ATP2B3: variants seen among roughly 807,000 people sequenced by gnomAD.
The protein encoded by ATP2B3 is ATPase plasma membrane Ca2+ transporting 3, also known as plasma membrane calcium-transporting ATPase 3.
ATP2B3 carries 12 observed loss-of-function variants against 70.8 expected under a neutral mutation model. The ratio of observed to expected loss-of-function variants is 0.17; its 90% CI spans 0.11 to 0.27. ATP2B3 has a LOEUF of 0.27. Among genes scored for constraint, ATP2B3 ranks in the 10% least tolerant of loss-of-function variants. The pLI is 1.00. For synonymous variants in ATP2B3, 460 were observed against 497.8 expected (o/e 0.92, Z 1.01); for missense variants, 858 against 1,118.5 (o/e 0.77, Z 3.32).
rs1302001862 is a variant in ATP2B3 at position 153,581,936 on chromosome X, T to C, written c.*1638T>C. The C allele has an allele frequency of 8.9e-6, 1 of 112,520 alleles. No homozygotes were observed. The highest frequency in any genetic ancestry group is 1.9e-5 in the Non-Finnish European group (1 of 53,251). 9.3% of individuals were successfully genotyped at this position (112,520 alleles called of 1,213,427 possible). A position where few individuals can be genotyped will look rare whatever the true frequency, so the allele number is the denominator to read the frequency against. The stretch of plus-strand genomic sequence containing the variant: ...AGGGGCCCGACTTTTGCCACCCTCC[T>C]GAGGAAGCCCCTAGGTCCACACAGT... On this transcript the variant is annotated 3_prime_UTR_variant, in exon 22 of 22. Transcript: ENST00000263519.
intron 21 of ATP2B3, among the ~76,000 whole-genome samples, chrX:153,571,198 C>G (rs1451824212): frequency 4.4e-5 from 5 of 112,375 alleles, no homozygotes; most frequent in Non-Finnish European, 7.5e-5. Context: ...AGGGGCCTCG[C>G]CGCCACTCCA....
chrX:153,573,288 G>A (rs1363684492), intron 21 of ATP2B3, among the ~76,000 whole-genome samples: 1 of 112,462 alleles, frequency 8.9e-6, no homozygotes, highest in African/African-American at 3.2e-5. Context: ...GCTTTCCCTG[G>A]ACACTCCTTT....
intron 13 of ATP2B3, among the ~76,000 whole-genome samples, chrX:153,553,895 C>G (rs2090496479): frequency 8.8e-6 from 1 of 113,120 alleles, no homozygotes; most frequent in South Asian, 3.5e-4. Context: ...CATGGGGTGC[C>G]CCTCTGTCTC....
intron 2 of ATP2B3, among the ~76,000 whole-genome samples, chrX:153,532,402 C>A: frequency 8.9e-6 from 1 of 112,534 alleles, no homozygotes; most frequent in Non-Finnish European, 1.9e-5. Context: ...GAAAGAGGAC[C>A]CCTGGGTCTC....
chrX:153,528,812 G>T (rs782515702), intron 2 of ATP2B3, among the ~76,000 whole-genome samples: 1 of 112,423 alleles, frequency 8.9e-6, no homozygotes, highest in Admixed American at 9.4e-5. Flanking sequence ...CAGGAAGGAG[G>T]GGAAGGGCAG....
In ATP2B3 at chrX:153,541,734, G is replaced by A. The variant is rs782679701; in HGVS notation, c.472G>A (p.Ala158Thr). ...GGCCGAAGCTGGCTGGATCGAGGGGGCTGCCATCCTGCTGTCCGTCATCTG... is the reference window on the plus strand; with the variant it reads ...GGCCGAAGCTGGCTGGATCGAGGGGACTGCCATCCTGCTGTCCGTCATCTG... Reference protein sequence around the residue: ...GEAEAGWIEGAAILLSVICVV... With the variant: ...GEAEAGWIEGTAILLSVICVV... Residue 158 changes from alanine to threonine, a missense_variant, in exon 5 of 22, where the codon GCT becomes ACT. Ala to Thr is a moderately conservative substitution (Grantham distance 58). This residue lies in a region of ATP2B3 where 278 missense variants were observed against 366.2 expected (regional missense o/e 0.76). Transcript: ENST00000263519. 6.6e-6 allele frequency: 8 copies of A among 1,211,757 alleles called. No individual in the cohort carries two copies. Among genetic ancestry groups the A allele is most frequent in the Non-Finnish European group, 7.8e-6 (7 of 895,545 alleles).
intron 21 of ATP2B3, among the ~76,000 whole-genome samples, chrX:153,572,269 T>G (rs2090800179): frequency 8.9e-6 from 1 of 112,448 alleles, no homozygotes; most frequent in African/African-American, 3.2e-5. Context: ...GGGCGTCGAG[T>G]CACGTGGTTT....
At chrX:153,520,369 C>T (rs115731574) in intron 2 of ATP2B3, among the ~76,000 whole-genome samples, 3,543 of 112,321 alleles carry the variant, frequency 0.032, 144 homozygotes, top group African/African-American at 0.11. Context: ...CCAGGCAGAG[C>T]TTCTTCTGGC....
At chrX:153,573,953 A>G (rs1272089716) in intron 21 of ATP2B3, among the ~76,000 whole-genome samples, 4 of 112,730 alleles carry the variant, frequency 3.5e-5, no homozygotes, top group African/African-American at 1.3e-4. Flanking sequence ...ACACACAGCC[A>G]TGTCTTGTCT....
chrX:153,541,599 G>A, intron 4 of ATP2B3, 43 bp downstream of exon 4: 4 of 1,208,566 alleles, frequency 3.3e-6, no homozygotes, highest in Non-Finnish European at 4.5e-6. Context: ...AGAGGAATGG[G>A]GCTTGAGATG....
At chrX:153,562,022 G>A in intron 19 of ATP2B3, 113 bp from the exon 20 acceptor site, 2 of 646,486 alleles carry the variant, frequency 3.1e-6, no homozygotes, top group South Asian at 4.5e-5. Flanking sequence ...GCAAGGAGCA[G>A]CCCGTGCAAC....
At chrX:153,547,378 C>T (rs1361251507) in intron 8 of ATP2B3, among the ~76,000 whole-genome samples, 4 of 110,918 alleles carry the variant, frequency 3.6e-5, no homozygotes, top group Non-Finnish European at 7.6e-5. Context: ...CCCGAACAGG[C>T]GCAGGGCTGG....
chrX:153,547,070 G>A (rs2090378962), intron 8 of ATP2B3, among the ~76,000 whole-genome samples: 1 of 112,036 alleles, frequency 8.9e-6, no homozygotes. Context: ...AGTAGTGAGG[G>A]AGAAAGACGA....
chrX:153,559,224 C>T (rs2090587827), intron 17 of ATP2B3: 1 of 116,432 alleles, frequency 8.6e-6, no homozygotes, highest in Non-Finnish European at 1.8e-5. Context: ...CTGGCACCCA[C>T]TCATCTGCTT....
At chrX:153,534,635 G>A (rs1358463033) in intron 2 of ATP2B3, among the ~76,000 whole-genome samples, 2 of 112,910 alleles carry the variant, frequency 1.8e-5, no homozygotes, top group African/African-American at 3.2e-5. Flanking sequence ...GTAGCTGCTC[G>A]GTGAATATGT....
At chrX:153,529,052 T>C (rs570337067) in intron 2 of ATP2B3, among the ~76,000 whole-genome samples, 10 of 112,655 alleles carry the variant, frequency 8.9e-5, no homozygotes, top group East Asian at 5.6e-4. Flanking sequence ...TGCGGATTCA[T>C]TAACACCTCC....
At chrX:153,560,551 A>G (rs1162513034) in intron 18 of ATP2B3, 125 bp from the exon 19 acceptor site, 21 of 781,775 alleles carry the variant, frequency 2.7e-5, no homozygotes, top group Non-Finnish European at 3.7e-5. Flanking sequence ...CTTGGCCGTG[A>G]GCTGGAAGTG....
At chrX:153,534,937 C>G (rs962849196) in intron 2 of ATP2B3, among the ~76,000 whole-genome samples, 8 of 112,895 alleles carry the variant, frequency 7.1e-5, no homozygotes, top group African/African-American at 2.2e-4. Flanking sequence ...CTGGGCCACT[C>G]GTTTCCAACG....
At chrX:153,565,217 T>C in intron 21 of ATP2B3, 114 bp downstream of exon 21, 1 of 927,814 alleles carries the variant, frequency 1.1e-6, no homozygotes, top group Non-Finnish European at 1.5e-6. Flanking sequence ...GGGAAACCCT[T>C]TGGTCTTGCT....
Sources: allele counts gnomAD v4.1 joint callset (sites outside exome capture counted in the v4.1 genomes callset), GRCh38; gene constraint gnomAD v4.1.1; regional missense constraint gnomAD v4.1.1; transcripts MANE v1.5; gene names NCBI Gene and HGNC (gene_info 2026-07-23, HGNC 2026-07-21).